SPAG16: variants seen among roughly 807,000 people sequenced by gnomAD.
SPAG16 encodes the protein sperm-associated antigen 16 protein.
A neutral mutation model predicts 80.4 loss-of-function variants in SPAG16; 86 were observed. That is an observed-to-expected ratio of 1.07 (90% CI 0.90 to 1.28). SPAG16 has a LOEUF of 1.28. Among genes scored for constraint, SPAG16 ranks in the 50% most tolerant of loss-of-function variants. SPAG16 has a pLI of 0.00. For missense variants in SPAG16, 870 were observed against 765.3 expected (o/e 1.14, Z -1.61); for synonymous variants, 294 against 265.9 (o/e 1.11, Z -1.03).
At chr2:214,370,505 TA>T (rs1272552930) in intron 15 of SPAG16, among the ~76,000 whole-genome samples, 1 of 152,204 alleles carries the variant, frequency 6.6e-6, no homozygotes, top group African/African-American at 2.4e-5. Flanking sequence ...TATACATACA[TA>T]TTGTTAAGTT....
chr2:213,527,919 A>G (rs2075945704), intron 10 of SPAG16, among the ~76,000 whole-genome samples: 1 of 152,180 alleles, frequency 6.6e-6, no homozygotes, highest in Non-Finnish European at 1.5e-5. Flanking sequence ...GCAGCAACAT[A>G]TAAGCTCTGC....
chr2:213,635,376 G>A (rs999327732), intron 10 of SPAG16, among the ~76,000 whole-genome samples: 6 of 152,114 alleles, frequency 3.9e-5, no homozygotes, highest in Non-Finnish European at 8.8e-5. Flanking sequence ...GCTGCTGTAA[G>A]CATGTGCAAG....
At chr2:213,351,439 G>C (rs1379443236) in intron 7 of SPAG16, among the ~76,000 whole-genome samples, 1 of 152,096 alleles carries the variant, frequency 6.6e-6, no homozygotes, top group Non-Finnish European at 1.5e-5. Context: ...CAAGTTTTTG[G>C]TTATTTTTGC....
intron 15 of SPAG16, among the ~76,000 whole-genome samples, chr2:214,272,719 C>A (rs1434014440): frequency 6.6e-6 from 1 of 152,172 alleles, no homozygotes; most frequent in Non-Finnish European, 1.5e-5. Flanking sequence ...GGTTCCAAGT[C>A]TTTGCTATCG....
At chr2:214,154,377 A>G (rs1392368378) in intron 15 of SPAG16, among the ~76,000 whole-genome samples, 3 of 152,168 alleles carry the variant, frequency 2.0e-5, no homozygotes, top group Non-Finnish European at 4.4e-5. Context: ...AAAGCTTATC[A>G]GTATCAGATC....
intron 10 of SPAG16, among the ~76,000 whole-genome samples, chr2:213,581,225 A>G (rs1289919640): frequency 2.0e-5 from 3 of 151,756 alleles, no homozygotes; most frequent in Non-Finnish European, 4.4e-5. Flanking sequence ...TTTATACTCT[A>G]TTTCTTTTTT....
chr2:214,011,346 T>C lies in SPAG16; in HGVS notation c.1401-2605T>C, dbSNP rs946910317. On this transcript the variant is annotated intron_variant, in intron 12 of 15. Transcript: ENST00000331683. ...AATTTTTTAAAAGAAAATAACTTAT[T>C]CTGTAAGTTTTGGCACTCTCCTCAA... is the stretch of plus-strand genomic sequence containing the variant. Among the ~76,000 whole-genome samples, 18 of 146,270 alleles carry C rather than the reference T, an allele frequency of 1.2e-4. 1 individual carries two copies. The highest frequency in any genetic ancestry group is 4.3e-4 in the African/African-American group (16 of 37,224).
At chr2:213,724,014 A>G (rs1362277993) in intron 10 of SPAG16, among the ~76,000 whole-genome samples, 1 of 152,344 alleles carries the variant, frequency 6.6e-6, no homozygotes. Context: ...CCACAGGCAC[A>G]TTGCTTTAAC....
intron 15 of SPAG16, among the ~76,000 whole-genome samples, chr2:214,195,577 G>A (rs528909617): frequency 6.6e-6 from 1 of 152,056 alleles, no homozygotes; most frequent in East Asian, 1.9e-4. Flanking sequence ...GCATGGTGAT[G>A]GATTAGAGAT....
At chr2:213,582,332 G>A (rs1456403293) in intron 10 of SPAG16, among the ~76,000 whole-genome samples, 1 of 152,042 alleles carries the variant, frequency 6.6e-6, no homozygotes. Flanking sequence ...GTTTTTAACA[G>A]CCAGGTGTGG....
At chr2:213,347,777 A>T (rs2065080161) in intron 6 of SPAG16, among the ~76,000 whole-genome samples, 1 of 152,170 alleles carries the variant, frequency 6.6e-6, no homozygotes, top group African/African-American at 2.4e-5. Context: ...CTGTTCTTTT[A>T]CATTTGATGA....
At chr2:213,456,480 A>C (rs1244028179) in intron 9 of SPAG16, among the ~76,000 whole-genome samples, 1 of 152,198 alleles carries the variant, frequency 6.6e-6, no homozygotes, top group African/African-American at 2.4e-5. Context: ...GATGTTTTGA[A>C]AAGTTATCAT....
chr2:213,366,247 A>G (rs1003648263), intron 8 of SPAG16, among the ~76,000 whole-genome samples: 1 of 152,090 alleles, frequency 6.6e-6, no homozygotes, highest in Non-Finnish European at 1.5e-5. Flanking sequence ...ATGGAGCATA[A>G]AAATACTTAA....
At chr2:213,373,259 T>C (rs2066730478) in intron 8 of SPAG16, among the ~76,000 whole-genome samples, 1 of 152,188 alleles carries the variant, frequency 6.6e-6, no homozygotes, top group South Asian at 2.1e-4. Context: ...ACAGACTTTA[T>C]TGTCTGTGCC....
chr2:214,283,618 C>T (rs1026807230), intron 15 of SPAG16, among the ~76,000 whole-genome samples: 4 of 151,820 alleles, frequency 2.6e-5, no homozygotes, highest in African/African-American at 4.8e-5. Flanking sequence ...ATTAACTTTA[C>T]AAAAAATAAA....
intron 11 of SPAG16, among the ~76,000 whole-genome samples, chr2:213,894,987 C>CAAAAA (rs71063793): frequency 8.1e-5 from 4 of 49,304 alleles, no homozygotes; most frequent in African/African-American, 3.5e-4. Context: ...GGCTCCATCT[C>CAAAAA]AAAAAAAAAA....
intron 11 of SPAG16, among the ~76,000 whole-genome samples, chr2:213,866,890 A>G (rs1391627468): frequency 3.9e-5 from 6 of 152,236 alleles, no homozygotes; most frequent in Non-Finnish European, 4.4e-5. Flanking sequence ...ACCGTCTAAC[A>G]TATTTATAAC....
At chr2:214,250,525 C>T (rs1690172436) in intron 15 of SPAG16, among the ~76,000 whole-genome samples, 1 of 149,750 alleles carries the variant, frequency 6.7e-6, no homozygotes, top group South Asian at 2.1e-4. Context: ...AGGAAGAAAA[C>T]AAGTTAAAAG....
chr2:213,492,592 C>G (rs995742203), intron 10 of SPAG16, among the ~76,000 whole-genome samples: 3 of 151,366 alleles, frequency 2.0e-5, no homozygotes, highest in Non-Finnish European at 4.4e-5. Flanking sequence ...GATACCACCC[C>G]CTCTACAGAC....
Sources: gnomAD v4.1 joint callset for allele counts (sites outside exome capture counted in the v4.1 genomes callset) on GRCh38, gnomAD v4.1.1 for gene constraint, MANE v1.5 for transcripts, NCBI Gene and HGNC (gene_info 2026-07-23, HGNC 2026-07-21) for gene names.